The following DAB1 variants were observed in gnomAD, a reference collection of about 807,000 sequenced individuals.
DAB1 encodes the protein disabled homolog 1.
Under a neutral mutation model 64.6 loss-of-function variants are expected in DAB1, and 15 were observed. That is an observed-to-expected ratio of 0.23 (90% CI 0.16 to 0.36). The LOEUF is 0.36. DAB1 is among the 10% of genes least tolerant of loss of function. The pLI is 1.00. For missense variants in DAB1, 596 were observed against 706.7 expected, an observed-to-expected ratio of 0.84 and a Z score of 1.78; for synonymous variants, 235 against 251.9, an observed-to-expected ratio of 0.93 and a Z score of 0.64.
chr1:57,650,145 T>C (rs1167313046), intron 6 of DAB1, among the ~76,000 whole-genome samples: 1 of 152,204 alleles, frequency 6.6e-6, no homozygotes, highest in Non-Finnish European at 1.5e-5. Context: ...TTCTTCGTCT[T>C]CTTTTTTTTA....
intron 3 of DAB1, among the ~76,000 whole-genome samples, chr1:58,355,426 G>T (rs1315368751): frequency 1.3e-5 from 2 of 152,210 alleles, no homozygotes; most frequent in African/African-American, 2.4e-5. Flanking sequence ...ATGCAGCCAT[G>T]GAAGAGTTTA....
chr1:58,166,958 G>A (rs186549910), intron 4 of DAB1, among the ~76,000 whole-genome samples: 1 of 151,500 alleles, frequency 6.6e-6, no homozygotes, highest in East Asian at 1.9e-4. Flanking sequence ...TGTTGACCAG[G>A]CTGGTCTCGA....
chr1:57,339,133 CTTTCT>C (rs1051630557), intron 1 of DAB1, among the ~76,000 whole-genome samples: 8 of 113,148 alleles, frequency 7.1e-5, no homozygotes, highest in African/African-American at 2.7e-4. Flanking sequence ...AATACGGCTT[CTTTCT>C]TTTTTTTTTT....
intron 7 of DAB1, among the ~76,000 whole-genome samples, chr1:57,520,999 T>C (rs1365854819): frequency 6.6e-6 from 1 of 152,148 alleles, no homozygotes; most frequent in Non-Finnish European, 1.5e-5. Flanking sequence ...TTAGTAGCTA[T>C]GTGTTGCACA....
chr1:58,330,733 G>A (rs1662950744), intron 4 of DAB1, among the ~76,000 whole-genome samples: 1 of 152,130 alleles, frequency 6.6e-6, no homozygotes, highest in Non-Finnish European at 1.5e-5. Context: ...ACCAAGTCTG[G>A]ATGACAGCAC....
intron 4 of DAB1, among the ~76,000 whole-genome samples, chr1:57,135,042 G>A (rs1657963336): frequency 1.3e-5 from 2 of 152,152 alleles, no homozygotes; most frequent in Admixed American, 1.3e-4. Flanking sequence ...CACACAGCTA[G>A]TACATGGGAG....
At chr1:57,973,348 A>G (rs567344227) in intron 5 of DAB1, among the ~76,000 whole-genome samples, 4 of 152,200 alleles carry the variant, frequency 2.6e-5, no homozygotes, top group African/African-American at 4.8e-5. Context: ...ATTTAGGCCC[A>G]GTGAAATTGA....
intron 1 of DAB1, among the ~76,000 whole-genome samples, chr1:57,391,766 A>AACACACACACACACACACACACAC (rs57332880): frequency 1.1e-5 from 1 of 94,566 alleles, no homozygotes. Context: ...CAGAGGAATA[A>AACACACACACACACACACACACAC]ACACACACAC....
At chr1:57,695,392 GAAAGAAAGA>G (rs1179589148) in intron 6 of DAB1, among the ~76,000 whole-genome samples, 1,183 of 78,424 alleles carry the variant, frequency 0.015, 33 homozygotes, top group East Asian at 0.047. Context: ...AAGAAAGAAA[GAAAGAAAGA>G]AAGAAAGAAA....
At chr1:57,734,974 A>C (rs564808243) in intron 6 of DAB1, among the ~76,000 whole-genome samples, 6 of 152,368 alleles carry the variant, frequency 3.9e-5, no homozygotes, top group African/African-American at 1.4e-4. Context: ...GCATACATTT[A>C]AATGCCATTA....
chr1:57,382,684 G>A (rs1054018278), intron 1 of DAB1, among the ~76,000 whole-genome samples: 2 of 152,062 alleles, frequency 1.3e-5, no homozygotes, highest in Non-Finnish European at 2.9e-5. Context: ...TTCTCACGCT[G>A]CCAACTCTCT....
chr1:57,402,195 G>A (rs1400510192), intron 1 of DAB1, among the ~76,000 whole-genome samples: 2 of 152,146 alleles, frequency 1.3e-5, no homozygotes, highest in South Asian at 2.1e-4. Flanking sequence ...TTAATTTGCT[G>A]ATATGCTTTA....
chr1:57,435,893 T>C (rs1685676242), intron 7 of DAB1, among the ~76,000 whole-genome samples: 1 of 151,886 alleles, frequency 6.6e-6, no homozygotes, highest in East Asian at 1.9e-4. Context: ...CATAAGTGTA[T>C]GTGCTAGACT....
At position 57,827,255 on chromosome 1, in the gene DAB1, G is replaced by T. The variant is rs180713903; in HGVS notation, n.88-800C>A. ...CAAACACATATCAAAATGAAGAACA[G>T]TTCAGCCATTGTTAAAGGGATCCTG... On this transcript the variant is annotated intron_variant and non_coding_transcript_variant, in intron 1 of 1. Transcript: ENST00000477280. Among the ~76,000 whole-genome samples the T allele has an allele frequency of 1.3e-3, 198 of 152,186 alleles. 1 individual carries two copies. Among genetic ancestry groups the T allele is most frequent in the African/African-American group, 4.5e-3 (186 of 41,524 alleles).
intron 4 of DAB1, among the ~76,000 whole-genome samples, chr1:58,183,739 CA>C (rs1174656548): frequency 2.6e-5 from 4 of 151,918 alleles, no homozygotes; most frequent in Non-Finnish European, 5.9e-5. Flanking sequence ...TTGTTATTTC[CA>C]GGGTTTTTAT....
intron 5 of DAB1, among the ~76,000 whole-genome samples, chr1:58,091,137 T>A (rs184505229): frequency 4.3e-4 from 65 of 152,286 alleles, no homozygotes; most frequent in Non-Finnish European, 8.2e-4. Context: ...CTGCAGGAGT[T>A]TCTAAATTCG....
At chr1:58,153,591 G>C (rs979515455) in intron 4 of DAB1, among the ~76,000 whole-genome samples, 1 of 151,950 alleles carries the variant, frequency 6.6e-6, no homozygotes, top group Non-Finnish European at 1.5e-5. Flanking sequence ...GTGATAATTA[G>C]ACCAAAAAAA....
At chr1:57,376,855 T>A (rs553646149) in intron 1 of DAB1, among the ~76,000 whole-genome samples, 1 of 152,378 alleles carries the variant, frequency 6.6e-6, no homozygotes, top group East Asian at 1.9e-4. Flanking sequence ...TCTTGCTTAA[T>A]GGTTCTTTTC....
chr1:58,006,548 T>C (rs1262174918), intron 5 of DAB1, among the ~76,000 whole-genome samples: 3 of 152,218 alleles, frequency 2.0e-5, no homozygotes, highest in African/African-American at 7.2e-5. Context: ...CATGAGGTCC[T>C]GTCTTTGCAC....
Sources: gnomAD v4.1 joint callset for allele counts (sites outside exome capture counted in the v4.1 genomes callset) on GRCh38, gnomAD v4.1.1 for gene constraint, MANE v1.5 for transcripts, NCBI Gene and HGNC (gene_info 2026-07-23, HGNC 2026-07-21) for gene names.